CADM2: variants seen among roughly 807,000 people sequenced by gnomAD.
CADM2 encodes the protein immunoglobulin superfamily member 4D.
CADM2 carries 12 observed loss-of-function variants against 49.8 expected under a neutral mutation model. That is an observed-to-expected ratio of 0.24 (90% CI 0.15 to 0.39). The LOEUF (loss-of-function observed/expected upper bound fraction) is 0.39. Among genes scored for constraint, CADM2 ranks in the 10% least tolerant of loss-of-function variants. The probability of loss-of-function intolerance (pLI) is 1.00; values close to 1 mark genes in which losing one functional copy is unlikely to be tolerated. For missense variants in CADM2, 378 were observed against 492.3 expected (o/e 0.77, Z 2.20); for synonymous variants, 214 against 175.4 (o/e 1.22, Z -1.74).
rs1005142845 is a variant in CADM2 at position 85,672,317 on chromosome 3, C to T, written c.62-54205C>T. Among the ~76,000 whole-genome samples, 22 of 151,540 alleles carry T rather than the reference C, an allele frequency of 1.5e-4. 1 individual carries two copies. Among genetic ancestry groups the T allele is most frequent in the African/African-American group, 5.1e-4 (21 of 41,268 alleles). Reference sequence around the variant, plus strand: ...ACGCCATTCTCCTGCCTCAGCCTCCCGAGTAGCTGGGACTACAGGTGCCCG... The same window carrying T: ...ACGCCATTCTCCTGCCTCAGCCTCCTGAGTAGCTGGGACTACAGGTGCCCG... On this transcript the variant is annotated intron_variant, in intron 1 of 9. Transcript: ENST00000383699.
At chr3:85,344,719 C>A (rs1185718555) in intron 1 of CADM2, among the ~76,000 whole-genome samples, 1 of 152,028 alleles carries the variant, frequency 6.6e-6, no homozygotes, top group Non-Finnish European at 1.5e-5. Flanking sequence ...GATATTTCCA[C>A]TGGTAACTTT....
At chr3:85,387,372 G>A (rs1279492700) in intron 1 of CADM2, among the ~76,000 whole-genome samples, 2 of 152,094 alleles carry the variant, frequency 1.3e-5, no homozygotes, top group Non-Finnish European at 2.9e-5. Flanking sequence ...CTGTTAAATT[G>A]TTTACTTTCC....
intron 8 of CADM2, among the ~76,000 whole-genome samples, chr3:86,010,065 CATTTA>C (rs1368886184): frequency 1.3e-5 from 2 of 151,796 alleles, no homozygotes; most frequent in Non-Finnish European, 2.9e-5. Flanking sequence ...ATCTTCTAAT[CATTTA>C]ATTTAAAGTA....
At chr3:85,563,395 AAT>A (rs1196531203) in intron 1 of CADM2, among the ~76,000 whole-genome samples, 1 of 115,750 alleles carries the variant, frequency 8.6e-6, no homozygotes, top group Non-Finnish European at 2.0e-5. Context: ...AAAAACAGGG[AAT>A]TTTTGTGTGT....
In CADM2 at chr3:85,085,841, C is replaced by CT. The variant is rs972380143; in HGVS notation, c.61+126181dup. Among the ~76,000 whole-genome samples the CT allele has an allele frequency of 4.6e-5, 7 of 152,018 alleles. No individual in the cohort carries two copies. In the South Asian group the frequency reaches 6.2e-4, roughly 14 times the overall value. ...CATTCTAATTCTCTCTTATGCCTTG[C>CT]TTTTTTTTCTCAGTATGCCTATGAG... On this transcript the variant is annotated intron_variant, in intron 1 of 9. Transcript: ENST00000383699.
chr3:85,021,281 A>G (rs773485495), intron 1 of CADM2, among the ~76,000 whole-genome samples: 1 of 152,170 alleles, frequency 6.6e-6, no homozygotes, highest in Non-Finnish European at 1.5e-5. Flanking sequence ...TTCGACATGC[A>G]TTGCCAATTT....
At chr3:85,637,445 A>AC (rs1244333569) in intron 1 of CADM2, among the ~76,000 whole-genome samples, 2 of 147,794 alleles carry the variant, frequency 1.4e-5, no homozygotes, top group Non-Finnish European at 3.0e-5. Flanking sequence ...TACTAAAAAT[A>AC]TAAAAAATTA....
chr3:85,795,686 A>G (rs1559662576), intron 2 of CADM2, among the ~76,000 whole-genome samples: 1 of 152,220 alleles, frequency 6.6e-6, no homozygotes, highest in East Asian at 1.9e-4. Flanking sequence ...AAAGTAAGGT[A>G]TCAATAAGAT....
intron 7 of CADM2, among the ~76,000 whole-genome samples, chr3:85,945,873 C>G (rs1722616774): frequency 1.3e-5 from 2 of 152,150 alleles, no homozygotes; most frequent in African/African-American, 4.8e-5. Context: ...TGGCACAAGA[C>G]AGGGATGCCC....
intron 5 of CADM2, among the ~76,000 whole-genome samples, chr3:85,907,175 C>G (rs1716913868): frequency 6.6e-6 from 1 of 152,184 alleles, no homozygotes; most frequent in African/African-American, 2.4e-5. Flanking sequence ...GGTCATGAAT[C>G]TAGCTCACTG....
intron 1 of CADM2, among the ~76,000 whole-genome samples, chr3:85,597,764 G>A (rs978433723): frequency 3.3e-5 from 5 of 152,086 alleles, no homozygotes; most frequent in African/African-American, 1.2e-4. Context: ...ACATTTAAAA[G>A]CAGCAAAGTT....
chr3:85,496,398 G>A (rs766491342), intron 1 of CADM2, among the ~76,000 whole-genome samples: 31 of 152,136 alleles, frequency 2.0e-4, no homozygotes, highest in African/African-American at 6.3e-4. Context: ...GATGCATAGC[G>A]TTCCATGGTG....
At chr3:85,986,514 T>A (rs1466096235) in intron 8 of CADM2, among the ~76,000 whole-genome samples, 2 of 152,118 alleles carry the variant, frequency 1.3e-5, no homozygotes. Context: ...TGTGAGCTTT[T>A]AAAAATTAAG....
At chr3:85,938,392 G>A (rs1407483129) in intron 7 of CADM2, among the ~76,000 whole-genome samples, 1 of 151,938 alleles carries the variant, frequency 6.6e-6, no homozygotes, top group East Asian at 1.9e-4. Flanking sequence ...TAGGTAGTAG[G>A]GAAGTGAAGA....
intron 1 of CADM2, among the ~76,000 whole-genome samples, chr3:85,225,048 T>C (rs2107799644): frequency 6.6e-6 from 1 of 152,262 alleles, no homozygotes; most frequent in East Asian, 1.9e-4. Context: ...GCCTCCAGCT[T>C]TGTTCTTTTT....
intron 1 of CADM2, among the ~76,000 whole-genome samples, chr3:85,070,314 T>C (rs929356867): frequency 6.6e-6 from 1 of 152,150 alleles, no homozygotes; most frequent in Non-Finnish European, 1.5e-5. Flanking sequence ...AAAATCAGTG[T>C]GAAATTATCT....
intron 1 of CADM2, among the ~76,000 whole-genome samples, chr3:85,572,860 C>G (rs1458969186): frequency 6.6e-6 from 1 of 152,122 alleles, no homozygotes; most frequent in African/African-American, 2.4e-5. Context: ...ACCAGGTAGT[C>G]CACTCAGACT....
At chr3:85,059,346 T>C (rs1488202969) in intron 1 of CADM2, among the ~76,000 whole-genome samples, 3 of 152,060 alleles carry the variant, frequency 2.0e-5, no homozygotes, top group Admixed American at 6.6e-5. Context: ...TGCATTTCTC[T>C]AAAGTCTTAC....
intron 5 of CADM2, among the ~76,000 whole-genome samples, chr3:85,904,511 A>G (rs1020582282): frequency 3.9e-5 from 6 of 152,216 alleles, no homozygotes; most frequent in African/African-American, 9.6e-5. Context: ...GGAGAAAGTC[A>G]TGGTTCAAAT....
Sources: allele counts gnomAD v4.1 joint callset (sites outside exome capture counted in the v4.1 genomes callset), GRCh38; gene constraint gnomAD v4.1.1; transcripts MANE v1.5; gene names NCBI Gene and HGNC (gene_info 2026-07-23, HGNC 2026-07-21).